Variants in GABRA2 observed in about 807,000 individuals in gnomAD.
GABRA2 encodes the protein gamma-aminobutyric acid type A receptor subunit alpha2.
Under a neutral mutation model 48.7 loss-of-function variants are expected in GABRA2, and 16 were observed. The observed-to-expected ratio is 0.33, with a 90% CI of 0.22 to 0.50. The LOEUF (loss-of-function observed/expected upper bound fraction) is 0.50. GABRA2 is among the 20% of genes least tolerant of loss of function. The pLI, the probability that GABRA2 is intolerant of heterozygous loss-of-function variation, is 0.98. For synonymous variants in GABRA2, 185 were observed against 184.5 expected, an observed-to-expected ratio of 1.00 and a Z score of -0.02; for missense variants, 275 against 535.6, an observed-to-expected ratio of 0.51 and a Z score of 4.80.
Position 46,246,827 on chromosome 4 carries a change from T to A in GABRA2, c.*3481A>T, listed in dbSNP as rs1713798292. ...ATACATTAAACAAATTATTAATGGA[T>A]GCCAAAGAACCATGATAATGCAGAA... is the stretch of plus-strand genomic sequence containing the variant. On this transcript the variant is annotated 3_prime_UTR_variant, in exon 10 of 10. Transcript: ENST00000381620. Among the ~76,000 whole-genome samples, 1 of 151,206 alleles carries A rather than the reference T, an allele frequency of 6.6e-6. No homozygotes were observed.
rs573285013 is a variant in GABRA2 at position 46,383,466 on chromosome 4, C to A, written c.187+2608G>T. 7.4e-4 allele frequency among the ~76,000 whole-genome samples: 112 copies of A among 152,230 alleles called. 1 individual carries two copies. The highest frequency in any genetic ancestry group is 2.6e-3 in the African/African-American group (109 of 41,542). On this transcript the variant is annotated intron_variant, in intron 3 of 9. Coordinates refer to ENST00000381620, the MANE Select transcript of GABRA2 (RefSeq NM_000807.4). ...GCTGTTCACAGAAAAGTTAATCAAG[C>A]ATCAACATTTATTTTATGACCACAA...
At chr4:46,281,148 T>C (rs545394469) in intron 8 of GABRA2, among the ~76,000 whole-genome samples, 3 of 152,256 alleles carry the variant, frequency 2.0e-5, no homozygotes, top group East Asian at 1.9e-4. Context: ...AAGCTACAAG[T>C]AGAGCAGATT....
intron 3 of GABRA2, among the ~76,000 whole-genome samples, chr4:46,351,062 C>T (rs1424291792): frequency 6.6e-6 from 1 of 151,644 alleles, no homozygotes; most frequent in Non-Finnish European, 1.5e-5. Context: ...GCTTTAGGAG[C>T]CTTTCCTTTC....
At chr4:46,301,384 T>C (rs978401054) in intron 8 of GABRA2, among the ~76,000 whole-genome samples, 2 of 152,204 alleles carry the variant, frequency 1.3e-5, no homozygotes, top group African/African-American at 4.8e-5. Flanking sequence ...TCTGACAGCT[T>C]TAGACATGTT....
chr4:46,345,742 C>A (rs561796467), intron 3 of GABRA2, among the ~76,000 whole-genome samples: 1 of 151,856 alleles, frequency 6.6e-6, no homozygotes, highest in Admixed American at 6.6e-5. Flanking sequence ...TTAGAGTCTG[C>A]TTCTGGGGAA....
At chr4:46,317,819 T>C (rs1030915072) in intron 4 of GABRA2, among the ~76,000 whole-genome samples, 16 of 151,830 alleles carry the variant, frequency 1.1e-4, no homozygotes, top group African/African-American at 3.9e-4. Flanking sequence ...TCAGTGAGGC[T>C]ATTTAAAATA....
intron 3 of GABRA2, among the ~76,000 whole-genome samples, chr4:46,374,297 G>A (rs1490537517): frequency 6.6e-6 from 1 of 152,092 alleles, no homozygotes; most frequent in Non-Finnish European, 1.5e-5. Context: ...CATGACATTT[G>A]TCTTCCTCCT....
intron 8 of GABRA2, among the ~76,000 whole-genome samples, chr4:46,290,253 AG>A (rs1723379555): frequency 6.6e-6 from 1 of 151,526 alleles, no homozygotes; most frequent in Non-Finnish European, 1.5e-5. Flanking sequence ...AGGTTTTTTC[AG>A]GCTTCTTTTG....
chr4:46,360,614 G>A (rs1398673522), intron 3 of GABRA2, among the ~76,000 whole-genome samples: 1 of 152,174 alleles, frequency 6.6e-6, no homozygotes, highest in Non-Finnish European at 1.5e-5. Context: ...CAGTAAATTG[G>A]TACCAGTAGA....
chr4:46,332,225 G>A (rs897319611), intron 4 of GABRA2, among the ~76,000 whole-genome samples: 2 of 152,074 alleles, frequency 1.3e-5, no homozygotes, highest in African/African-American at 4.8e-5. Flanking sequence ...GTTTTTAAAT[G>A]TGATACACTG....
chr4:46,272,469 G>A (rs1039789796), intron 8 of GABRA2, among the ~76,000 whole-genome samples: 2 of 151,928 alleles, frequency 1.3e-5, no homozygotes, highest in Non-Finnish European at 2.9e-5. Context: ...ACTTTGTGCT[G>A]AGCACTGTGG....
intron 8 of GABRA2, among the ~76,000 whole-genome samples, chr4:46,280,698 A>C (rs1721368485): frequency 6.6e-6 from 1 of 152,156 alleles, no homozygotes; most frequent in African/African-American, 2.4e-5. Flanking sequence ...CCAAATCCAT[A>C]TGTTAAAGTC....
At chr4:46,260,078 T>G (rs1482172422) in intron 9 of GABRA2, among the ~76,000 whole-genome samples, 1 of 151,884 alleles carries the variant, frequency 6.6e-6, no homozygotes, top group African/African-American at 2.4e-5. Context: ...GTCCTCCCAC[T>G]GGTATTATAT....
chr4:46,349,007 C>T (rs1412290768), intron 3 of GABRA2, among the ~76,000 whole-genome samples: 1 of 151,968 alleles, frequency 6.6e-6, no homozygotes, highest in South Asian at 2.1e-4. Context: ...GAGCAGCCAA[C>T]AACATTCAGT....
At chr4:46,378,285 T>A (rs1716246505) in intron 3 of GABRA2, among the ~76,000 whole-genome samples, 1 of 151,984 alleles carries the variant, frequency 6.6e-6, no homozygotes, top group African/African-American at 2.4e-5. Context: ...GAGGTAGACG[T>A]GGGAGACTTT....
chr4:46,384,188 C>T (rs550517445), intron 3 of GABRA2, among the ~76,000 whole-genome samples: 2 of 152,100 alleles, frequency 1.3e-5, no homozygotes, highest in East Asian at 1.9e-4. Context: ...CACTATCCCT[C>T]GCCACCATCT....
chr4:46,287,008 T>C (rs1722674099), intron 8 of GABRA2, among the ~76,000 whole-genome samples: 1 of 152,308 alleles, frequency 6.6e-6, no homozygotes, highest in South Asian at 2.1e-4. Flanking sequence ...GATCTAAGAA[T>C]TCATTCATTG....
chr4:46,288,634 C>T (rs188637832), intron 8 of GABRA2, among the ~76,000 whole-genome samples: 92 of 152,170 alleles, frequency 6.0e-4, no homozygotes, highest in Non-Finnish European at 1.1e-3. Context: ...TAGGTAATAC[C>T]ATTCTGGACA....
intron 3 of GABRA2, among the ~76,000 whole-genome samples, chr4:46,381,675 C>A (rs1716774295): frequency 1.3e-5 from 2 of 152,114 alleles, no homozygotes; most frequent in African/African-American, 4.8e-5. Flanking sequence ...TAAATAGAAT[C>A]AGTGGAACTC....
Sources: gnomAD v4.1 joint callset for allele counts (sites outside exome capture counted in the v4.1 genomes callset) on GRCh38, gnomAD v4.1.1 for gene constraint, MANE v1.5 for transcripts, NCBI Gene and HGNC (gene_info 2026-07-23, HGNC 2026-07-21) for gene names.